VTI1A: variants seen among roughly 807,000 people sequenced by gnomAD.
VTI1A encodes vesicle transport through interaction with t-SNAREs homolog 1A.
VTI1A carries 22 observed loss-of-function variants against 34.9 expected under a neutral mutation model. The observed-to-expected ratio is 0.63, with a 90% CI of 0.45 to 0.90. The LOEUF is 0.90. Ranked by LOEUF, VTI1A falls within the 40% of genes least tolerant of loss-of-function variation. The probability of loss-of-function intolerance (pLI) is 0.00; values close to 1 mark genes in which losing one functional copy is unlikely to be tolerated. For missense variants in VTI1A, 268 were observed against 275.6 expected (o/e 0.97, Z 0.20); for synonymous variants, 87 against 97.3 (o/e 0.89, Z 0.62).
At chr10:112,722,033 G>A (rs1210714874) in intron 7 of VTI1A, among the ~76,000 whole-genome samples, 1 of 152,144 alleles carries the variant, frequency 6.6e-6, no homozygotes, top group Non-Finnish European at 1.5e-5. Context: ...GAGTAAGCTG[G>A]TTTAAGGGGT....
At position 112,717,013 on chromosome 10, in the gene VTI1A, G is replaced by C. The variant is rs1221743195; in HGVS notation, c.560+48015G>C. On this transcript the variant is annotated intron_variant, in intron 7 of 7. Coordinates refer to ENST00000393077, the MANE Select transcript of VTI1A (RefSeq NM_145206.4). ...CAAGCAAACATAGTTGGAGTAAGAG[G>C]ACTGTGCTTGCTATGTAAACGCAGC... Among the ~76,000 whole-genome samples the C allele has an allele frequency of 2.0e-5, 3 of 152,170 alleles. No individual in the cohort carries two copies. The East Asian group carries it at 5.8e-4, about 29-fold the overall frequency.
intron 7 of VTI1A, among the ~76,000 whole-genome samples, chr10:112,743,187 T>C (rs1186553031): frequency 6.6e-6 from 1 of 152,132 alleles, no homozygotes; most frequent in African/African-American, 2.4e-5. Context: ...AGAACATTAT[T>C]AGGACTCAGA....
At chr10:112,590,686 A>C (rs1844356316) in intron 5 of VTI1A, among the ~76,000 whole-genome samples, 1 of 152,162 alleles carries the variant, frequency 6.6e-6, no homozygotes, top group Non-Finnish European at 1.5e-5. Flanking sequence ...TGTCTAAACA[A>C]TAATAATATT....
Position 112,699,827 on chromosome 10 carries a change from C to CA in VTI1A, c.560+30840dup, listed in dbSNP as rs748925908. Among the ~76,000 whole-genome samples the CA allele has an allele frequency of 9.1e-3, 974 of 107,562 alleles. 17 individuals carry two copies. The highest frequency in any genetic ancestry group is 7.7e-3 in the Non-Finnish European group (416 of 53,990). 70.6% of individuals were successfully genotyped at this position (107,562 alleles called of 152,430 possible). A position where few individuals can be genotyped will look rare whatever the true frequency, so the allele number is the denominator to read the frequency against. On this transcript the variant is annotated intron_variant, in intron 7 of 7. Coordinates refer to ENST00000393077, the MANE Select transcript of VTI1A (RefSeq NM_145206.4). ...TGGGCAATAGAGCAAAACTCCGTCT[C>CA]AAAAAAAAAAAGACTGGGCATGGTG...
rs1848533144 is a variant in VTI1A at position 112,689,279 on chromosome 10, A to G, written c.560+20281A>G. On this transcript the variant is annotated intron_variant, in intron 7 of 7. Coordinates refer to ENST00000393077, the MANE Select transcript of VTI1A (RefSeq NM_145206.4). ...CTGAACTTGGGTTAAGGCTCCATGC[A>G]TTGTCTTCATCAGATGTCAGTGCTT... Among the ~76,000 whole-genome samples the G allele has an allele frequency of 2.0e-5, 3 of 152,180 alleles. No individual in the cohort carries two copies. In the South Asian group the frequency reaches 6.2e-4, roughly 31 times the overall value.
At chr10:112,717,019 G>T (rs934070795) in intron 7 of VTI1A, among the ~76,000 whole-genome samples, 1 of 152,134 alleles carries the variant, frequency 6.6e-6, no homozygotes, top group Admixed American at 6.5e-5. Context: ...AGAGGACTGT[G>T]CTTGCTATGT....
At position 112,815,824 on chromosome 10, in the gene VTI1A, G is replaced by A. The variant is rs1037117033; in HGVS notation, c.*441G>A. 4 of 256,058 alleles carry A rather than the reference G, an allele frequency of 1.6e-5. No individual in the cohort carries two copies. Among genetic ancestry groups the A allele is most frequent in the Admixed American group, 5.1e-5 (1 of 19,782 alleles). The allele number at this position is 256,058 out of a possible 1,614,324, so 15.9% of individuals were successfully genotyped here. The stretch of plus-strand genomic sequence containing the variant: ...GATAAAAATGCAGCAAAAAGCAGGG[G>A]ATGGAGTCAGTGACCCCGTCCAGCA... On this transcript the variant is annotated 3_prime_UTR_variant, in exon 8 of 8. Coordinates refer to ENST00000393077, the MANE Select transcript of VTI1A (RefSeq NM_145206.4).
At chr10:112,562,263 A>AT (rs1851748947) in intron 5 of VTI1A, among the ~76,000 whole-genome samples, 1 of 152,062 alleles carries the variant, frequency 6.6e-6, no homozygotes, top group Admixed American at 6.6e-5. Flanking sequence ...AACAGTCTAT[A>AT]TTTTTTCATA....
chr10:112,619,995 C>CA (rs549170978), intron 5 of VTI1A, among the ~76,000 whole-genome samples: 159 of 152,296 alleles, frequency 1.0e-3, no homozygotes, highest in African/African-American at 3.8e-3. Flanking sequence ...TGTTCAGCAA[C>CA]AATCTGGTTC....
chr10:112,462,987 C>T (rs1162403016), intron 2 of VTI1A, among the ~76,000 whole-genome samples: 6 of 152,046 alleles, frequency 3.9e-5, no homozygotes, highest in African/African-American at 7.2e-5. Context: ...TGCAGTGGCA[C>T]GATCTCGGCT....
chr10:112,733,449 G>GATATTTCA (rs1260083076), intron 7 of VTI1A, among the ~76,000 whole-genome samples: 1 of 152,074 alleles, frequency 6.6e-6, no homozygotes, highest in African/African-American at 2.4e-5. Context: ...ACAAATAGAA[G>GATATTTCA]CACATAATAT....
At chr10:112,674,773 A>G (rs1847970598) in intron 7 of VTI1A, among the ~76,000 whole-genome samples, 1 of 152,186 alleles carries the variant, frequency 6.6e-6, no homozygotes, top group Non-Finnish European at 1.5e-5. Context: ...CCAGATTCAC[A>G]TATTGTAGAA....
chr10:112,471,716 T>C (rs1365206822), intron 3 of VTI1A, among the ~76,000 whole-genome samples: 2 of 152,196 alleles, frequency 1.3e-5, no homozygotes, highest in East Asian at 3.9e-4. Flanking sequence ...AAGCTGTTCT[T>C]GTAATTTCTT....
intron 1 of VTI1A, among the ~76,000 whole-genome samples, chr10:112,454,865 A>AATTT (rs1847378507): frequency 6.6e-6 from 1 of 152,168 alleles, no homozygotes; most frequent in African/African-American, 2.4e-5. Context: ...TTCAGGAAAT[A>AATTT]ATTTAGTATC....
chr10:112,634,553 T>A (rs1846272143), intron 5 of VTI1A, among the ~76,000 whole-genome samples: 1 of 149,266 alleles, frequency 6.7e-6, no homozygotes, highest in Admixed American at 6.7e-5. Context: ...ACACACGAAT[T>A]TCATGTTTTC....
intron 1 of VTI1A, among the ~76,000 whole-genome samples, chr10:112,459,135 A>G (rs1362594270): frequency 1.3e-5 from 2 of 152,208 alleles, no homozygotes; most frequent in Non-Finnish European, 2.9e-5. Context: ...TTTTAAATAA[A>G]GAACAAGAAA....
intron 3 of VTI1A, among the ~76,000 whole-genome samples, chr10:112,525,931 A>T (rs1388794147): frequency 4.6e-5 from 7 of 152,250 alleles, no homozygotes; most frequent in Admixed American, 4.6e-4. Flanking sequence ...CTCTGGAATT[A>T]TTGATAGTCC....
the VTI1A span, among the ~76,000 whole-genome samples, chr10:112,830,722 A>G: frequency 6.8e-6 from 1 of 148,142 alleles, no homozygotes; most frequent in African/African-American, 2.5e-5. Context: ...AATGTCTGTC[A>G]CTAATTTTCA....
At chr10:112,605,544 G>T (rs1412515593) in intron 5 of VTI1A, among the ~76,000 whole-genome samples, 1 of 152,084 alleles carries the variant, frequency 6.6e-6, no homozygotes, top group Non-Finnish European at 1.5e-5. Context: ...CACACTGGAG[G>T]ATCACCGCTC....
Sources: allele counts gnomAD v4.1 joint callset (sites outside exome capture counted in the v4.1 genomes callset), GRCh38; gene constraint gnomAD v4.1.1; transcripts MANE v1.5; gene names NCBI Gene and HGNC (gene_info 2026-07-23, HGNC 2026-07-21).